MGAM: variants seen among roughly 807,000 people sequenced by gnomAD.
MGAM encodes maltase-glucoamylase.
A neutral mutation model predicts 358.8 loss-of-function variants in MGAM; 253 were observed. That is an observed-to-expected ratio of 0.71 (90% CI 0.64 to 0.78). MGAM has a LOEUF of 0.78. Ranked by LOEUF, MGAM falls within the 30% of genes least tolerant of loss-of-function variation. The pLI is 0.00. For missense variants in MGAM, 3,080 were observed against 3,432.6 expected (o/e 0.90, Z 2.57); for synonymous variants, 1,105 against 1,227.1 (o/e 0.90, Z 2.08).
chr7:142,082,473 A>C lies in MGAM; in HGVS notation c.6172-2A>C. On this transcript the variant is annotated splice_acceptor_variant, in intron 51 of 70. Coordinates refer to ENST00000475668, the MANE Select transcript of MGAM (RefSeq NM_001365693.1). LOFTEE classifies it high-confidence loss of function. Reference sequence around the variant, plus strand: ...CTACTGCTTCTCCCCATGACTCTCCAGTACAAGAAGAATTCCTATGGTGTC... The same window carrying C: ...CTACTGCTTCTCCCCATGACTCTCCCGTACAAGAAGAATTCCTATGGTGTC... 5.9e-6 allele frequency: 9 copies of C among 1,516,362 alleles called. 3 individuals carry two copies. The highest frequency in any genetic ancestry group is 8.1e-6 in the Non-Finnish European group (9 of 1,107,550). 93.9% of individuals were successfully genotyped at this position (1,516,362 alleles called of 1,614,324 possible).
At position 142,045,310 on chromosome 7, in the gene MGAM, A is replaced by C. The variant is rs765555113; in HGVS notation, c.2499-2475A>C. ...ATGATATATAATATATATTATATGT[A>C]CCTATAATATATGATATATAATATA... On this transcript the variant is annotated intron_variant, in intron 21 of 70. Coordinates refer to ENST00000475668, the MANE Select transcript of MGAM (RefSeq NM_001365693.1). 3.5e-3 allele frequency among the ~76,000 whole-genome samples: 202 copies of C among 58,226 alleles called. 1 individual carries two copies. Among genetic ancestry groups the C allele is most frequent in the African/African-American group, 8.5e-3 (163 of 19,144 alleles). The allele number at this position is 58,226 out of a possible 152,430, so 38.2% of individuals were successfully genotyped here.
rs114185196 is a variant in MGAM at position 142,046,295 on chromosome 7, C to G, written c.2499-1490C>G. Among the ~76,000 whole-genome samples the G allele has an allele frequency of 8.2e-3, 1,245 of 151,448 alleles. 10 individuals are homozygous for G. Among genetic ancestry groups the G allele is most frequent in the African/African-American group, 0.029 (1,204 of 41,308 alleles). Reference sequence around the variant, plus strand: ...CTGAAATGTTTAGGGGAGTCTAAGTCTATTGTTAGTTAACTTTGTTGACTT... The same window carrying G: ...CTGAAATGTTTAGGGGAGTCTAAGTGTATTGTTAGTTAACTTTGTTGACTT... On this transcript the variant is annotated intron_variant, in intron 21 of 70. Coordinates refer to ENST00000475668, the MANE Select transcript of MGAM (RefSeq NM_001365693.1).
At position 142,078,375 on chromosome 7, in the gene MGAM, A is replaced by C. The variant is rs1359742873; in HGVS notation, c.5551A>C (p.Ser1851Arg). ...GGGAGAAGCATACACAGTGGAGTGG[A>C]GCATAAAGATAAGGGATGAAGAAAA... ...FLGEAYTVEW[S>R]IKIRDEEKID... Residue 1851 changes from serine (S) to arginine (R), a missense_variant, in exon 48 of 71, where the codon AGC becomes CGC. Transcript: ENST00000475668. The C allele has an allele frequency of 6.6e-7, 1 of 1,520,294 alleles. No homozygotes were observed. Among genetic ancestry groups the C allele is most frequent in the South Asian group, 1.2e-5 (1 of 84,826 alleles). 94.2% of individuals were successfully genotyped at this position (1,520,294 alleles called of 1,614,324 possible). A position where few individuals can be genotyped will look rare whatever the true frequency, so the allele number is the denominator to read the frequency against.
intron 3 of MGAM, among the ~76,000 whole-genome samples, chr7:142,016,308 T>TG (rs367744215): frequency 6.6e-6 from 1 of 152,336 alleles, no homozygotes; most frequent in African/African-American, 2.4e-5. Context: ...CGAAAGAGCC[T>TG]GTATAGCTAT....
chr7:142,065,484 C>T lies in MGAM; in HGVS notation c.4618+16C>T, dbSNP rs2129043770. 6.2e-7 allele frequency: 1 copy of T among 1,613,402 alleles called. No homozygotes were observed. Among genetic ancestry groups the T allele is most frequent in the African/African-American group, 1.3e-5 (1 of 75,050 alleles). Reference sequence around the variant, plus strand: ...TCTATCATTGGTGCGTGGGTCCTTCCCCAGGGCCTTTGCCGACAGGGCAGG... The same window carrying T: ...TCTATCATTGGTGCGTGGGTCCTTCTCCAGGGCCTTTGCCGACAGGGCAGG... On this transcript the variant is annotated intron_variant, in intron 38 of 70. Transcript: ENST00000475668.
intron 23 of MGAM, 21 bp from the exon 24 acceptor site, chr7:142,050,676 T>C (rs776604697): frequency 6.2e-7 from 1 of 1,608,418 alleles, no homozygotes; most frequent in Non-Finnish European, 8.5e-7. Context: ...TTATGCATAC[T>C]TGGACTTAAT....
In MGAM at chr7:142,040,216, C is replaced by T. The variant is rs201248192; in HGVS notation, c.2373+45C>T. The T allele has an allele frequency of 6.1e-5, 87 of 1,437,774 alleles. No individual in the cohort carries two copies. The African/African-American group carries it at 8.7e-4, about 14-fold the overall frequency. The allele number at this position is 1,437,774 out of a possible 1,614,324, so 89.1% of individuals were successfully genotyped here. A position where few individuals can be genotyped will look rare whatever the true frequency, so the allele number is the denominator to read the frequency against. On this transcript the variant is annotated intron_variant, in intron 20 of 70. Coordinates refer to ENST00000475668, the MANE Select transcript of MGAM (RefSeq NM_001365693.1). ...CTTCTACTCCTTAAGACTGTAGCTG[C>T]AGCTGCATAGACAAGCTACCTTTCT...
At chr7:142,093,900 C>G (rs1472859464) in intron 60 of MGAM, among the ~76,000 whole-genome samples, 3 of 145,450 alleles carry the variant, frequency 2.1e-5, no homozygotes, top group Non-Finnish European at 3.1e-5. Flanking sequence ...CATCTCTCCC[C>G]TTTATTTCAA....
At chr7:142,039,100 A>G (rs1343566925) in intron 19 of MGAM, among the ~76,000 whole-genome samples, 2 of 138,406 alleles carry the variant, frequency 1.4e-5, no homozygotes, top group African/African-American at 5.7e-5. Flanking sequence ...GAGTTGCCAC[A>G]CACTTTTTTT....
At chr7:142,035,451 C>A (rs1343712497) in intron 16 of MGAM, among the ~76,000 whole-genome samples, 1 of 151,932 alleles carries the variant, frequency 6.6e-6, no homozygotes, top group Non-Finnish European at 1.5e-5. Context: ...TGGGAGATCC[C>A]GAGAAAGGGA....
In MGAM at chr7:142,079,575, G is replaced by A. The variant is rs985980472; in HGVS notation, c.5847+567G>A. On this transcript the variant is annotated intron_variant, in intron 49 of 70. Transcript: ENST00000475668. Reference sequence around the variant, plus strand: ...TATAAAATAGCCACCAACCTGCAGCGATTTCATTTCTTTCCAGAATTTAAT... The same window carrying A: ...TATAAAATAGCCACCAACCTGCAGCAATTTCATTTCTTTCCAGAATTTAAT... Among the ~76,000 whole-genome samples, 4 of 145,972 alleles carry A rather than the reference G, an allele frequency of 2.7e-5. 1 individual carries two copies. Among genetic ancestry groups the A allele is most frequent in the African/African-American group, 4.9e-5 (2 of 41,074 alleles).
chr7:142,019,057 G>T, intron 3 of MGAM, 142 bp from the exon 4 acceptor site: 3 of 1,094,130 alleles, frequency 2.7e-6, no homozygotes, highest in Non-Finnish European at 3.8e-6. Context: ...CTTGGTATAT[G>T]GCACAATTTA....
chr7:142,052,792 T>C lies in MGAM; in HGVS notation c.2967T>C (p.Asn989=). ...TTGGCCTTACTTTTCAGGCATCCAA[T>C]TCTTCTGGAGTCCCTTTTTGCTATT... ...TARGCIWEAS[N]SSGVPFCYFV... is the part of the protein sequence containing the mutation. The change falls in exon 26 of 71, where the codon AAT becomes AAC. Residue 989 remains asparagine, a synonymous_variant. Coordinates refer to ENST00000475668, the MANE Select transcript of MGAM (RefSeq NM_001365693.1). 1 of 1,613,874 alleles carries C rather than the reference T, an allele frequency of 6.2e-7. No homozygotes were observed. Among genetic ancestry groups the C allele is most frequent in the Non-Finnish European group, 8.5e-7 (1 of 1,179,818 alleles).
At position 142,091,928 on chromosome 7, in the gene MGAM, G is replaced by C. The variant is rs1350455606; in HGVS notation, c.6826G>C (p.Val2276Leu). The change falls in exon 58 of 71, where the codon GTG becomes CTG. Residue 2276 changes from valine to leucine, a missense_variant. Val to Leu is a conservative substitution (Grantham distance 32). Around this residue, in one of 5 missense-constraint regions of MGAM, gnomAD observed 932 missense variants for 1,198.2 expected, o/e 0.78. Coordinates refer to ENST00000475668, the MANE Select transcript of MGAM (RefSeq NM_001365693.1). ...DSQVELYRAY[V>L]AFPDFFRNST... ...TTTTTTATAGCTATATCGAGCTTATGTGGCCTTCCCAGACTTTTTCCGTAA... is the reference window on the plus strand; with the variant it reads ...TTTTTTATAGCTATATCGAGCTTATCTGGCCTTCCCAGACTTTTTCCGTAA... 6.6e-7 allele frequency: 1 copy of C among 1,509,828 alleles called. No homozygotes were observed. Among genetic ancestry groups the C allele is most frequent in the Admixed American group, 1.8e-5 (1 of 54,256 alleles). 93.5% of individuals were successfully genotyped at this position (1,509,828 alleles called of 1,614,324 possible). A position where few individuals can be genotyped will look rare whatever the true frequency, so the allele number is the denominator to read the frequency against.
At chr7:142,012,267 A>G (rs1397247323) in intron 3 of MGAM, among the ~76,000 whole-genome samples, 1 of 152,204 alleles carries the variant, frequency 6.6e-6, no homozygotes, top group African/African-American at 2.4e-5. Context: ...AAATTTACTT[A>G]TCATAGTTAT....
At chr7:142,090,937 T>C (rs1489344844) in intron 57 of MGAM, among the ~76,000 whole-genome samples, 1 of 146,290 alleles carries the variant, frequency 6.8e-6, no homozygotes, top group Non-Finnish European at 1.5e-5. Context: ...CTCTCAAAAG[T>C]CTACAATGTA....
Position 142,092,502 on chromosome 7 carries a change from C to T in MGAM, c.6946-19C>T. ...AATTATCTTAAAAAGTGAGGTATGTCTGTGTTTGGCATTTCTAGGATATGA... is the reference window on the plus strand; with the variant it reads ...AATTATCTTAAAAAGTGAGGTATGTTTGTGTTTGGCATTTCTAGGATATGA... On this transcript the variant is annotated intron_variant, in intron 58 of 70. Transcript: ENST00000475668. 3 of 1,526,800 alleles carry T rather than the reference C, an allele frequency of 2.0e-6. 1 individual carries two copies. The highest frequency in any genetic ancestry group is 2.7e-6 in the Non-Finnish European group (3 of 1,113,200). The allele number at this position is 1,526,800 out of a possible 1,614,324, so 94.6% of individuals were successfully genotyped here.
At chr7:142,015,474 A>C (rs1005058685) in intron 3 of MGAM, among the ~76,000 whole-genome samples, 14 of 152,100 alleles carry the variant, frequency 9.2e-5, no homozygotes, top group Non-Finnish European at 2.1e-4. Context: ...CTAAAAGCCT[A>C]AAGGCAAAAA....
chr7:142,055,560 G>C lies in MGAM; in HGVS notation c.3317G>C (p.Trp1106Ser), dbSNP rs1310924245. Residue 1106 changes from tryptophan to serine, a missense_variant and splice_region_variant, in exon 28 of 71, where the codon TGG (tryptophan) becomes TCG (serine). Trp to Ser is a radical substitution (Grantham distance 177). Transcript: ENST00000475668. The part of the protein sequence containing the change: ...IRRKSTGTII[W>S]DSQLLGFTFS... ...AAATCTGCGTTTTTGTGTTTCAGTT[G>C]GGACTCTCAGCTCCTTGGCTTTACC... is the stretch of plus-strand genomic sequence containing the variant. 1 of 1,613,864 alleles carries C rather than the reference G, an allele frequency of 6.2e-7. No homozygotes were observed. Among genetic ancestry groups the C allele is most frequent in the Non-Finnish European group, 8.5e-7 (1 of 1,179,844 alleles).
Sources: allele counts gnomAD v4.1 joint callset (sites outside exome capture counted in the v4.1 genomes callset), GRCh38; gene constraint gnomAD v4.1.1; regional missense constraint gnomAD v4.1.1; transcripts MANE v1.5; gene names NCBI Gene and HGNC (gene_info 2026-07-23, HGNC 2026-07-21).